ADRB3: variants seen among roughly 807,000 people sequenced by gnomAD.
ADRB3 encodes the protein beta-3 adrenergic receptor.
In ADRB3, 33 loss-of-function variants were observed where a neutral mutation model predicts 23.8. The observed-to-expected ratio is 1.38, with a 90% CI of 1.05 to 1.85. The LOEUF is 1.85. ADRB3 is among the 40% of genes most tolerant of loss of function. The pLI is 0.00. For missense variants in ADRB3, 600 were observed against 579.6 expected (o/e 1.04, Z -0.36); for synonymous variants, 289 against 273.0 (o/e 1.06, Z -0.58).
chr8:37,965,625 A>G lies in ADRB3; in HGVS notation c.845T>C (p.Leu282Pro). ...GGCCCGGTGTTCCCGGAGAGGCAGG[A>G]GGCGCGCGGGCCGCCGGCCGCAGGC... The part of the protein sequence containing the change: ...VPACGRRPAR[L>P]LPLREHRALC... Residue 282 changes from leucine to proline, a missense_variant, in exon 1 of 2, where the codon CTC becomes CCC. Transcript: ENST00000345060. 1 of 1,534,064 alleles carries G rather than the reference A, an allele frequency of 6.5e-7. No individual in the cohort carries two copies. The highest frequency in any genetic ancestry group is 1.2e-5 in the South Asian group (1 of 82,198).
In ADRB3 at chr8:37,966,475, G is replaced by A. The variant is rs766199434; in HGVS notation, c.-6C>T. On this transcript the variant is annotated 5_prime_UTR_variant, in exon 1 of 2. Transcript: ENST00000345060. Reference sequence around the variant, plus strand: ...TCGTGAGGCCACGGAGCCATCCCCGGGTCGCGCGTGGGGCGGTAGGGAAAG... The same window carrying A: ...TCGTGAGGCCACGGAGCCATCCCCGAGTCGCGCGTGGGGCGGTAGGGAAAG... 8.2e-6 allele frequency: 13 copies of A among 1,582,420 alleles called. No individual in the cohort carries two copies. Among genetic ancestry groups the A allele is most frequent in the Non-Finnish European group, 1.1e-5 (13 of 1,168,518 alleles).
Position 37,965,831 on chromosome 8 carries a change from G to T in ADRB3, c.639C>A (p.Phe213Leu). 2 of 1,553,254 alleles carry T rather than the reference G, an allele frequency of 1.3e-6. No individual in the cohort carries two copies. The highest frequency in any genetic ancestry group is 1.7e-6 in the Non-Finnish European group (2 of 1,147,712). ...PYVLLSSSVSFYLPLLVMLFV... is the reference protein window; with the variant it reads ...PYVLLSSSVSLYLPLLVMLFV... ...AGAGCATCACGAGAAGAGGAAGGTA[G>T]AAGGAGACGGAGGAGGACAGCAGCA... The change falls in exon 1 of 2, where the codon TTC becomes TTA. Residue 213 changes from phenylalanine (F) to leucine (L), a missense_variant. Phe to Leu is a conservative substitution (Grantham distance 22). Transcript: ENST00000345060.
chr8:37,964,115 A>T lies in ADRB3; in HGVS notation c.*103T>A. 9.8e-7 allele frequency: 1 copy of T among 1,020,096 alleles called. No homozygotes were observed. The highest frequency in any genetic ancestry group is 1.5e-6 in the Non-Finnish European group (1 of 655,930). The allele number at this position is 1,020,096 out of a possible 1,614,324, so 63.2% of individuals were successfully genotyped here. A position where few individuals can be genotyped will look rare whatever the true frequency, so the allele number is the denominator to read the frequency against. ...GCCCAGTCGTCAGGTTCTGGAGGGT[A>T]GAGTGTCACAGCCGGGGAATCCCAT... On this transcript the variant is annotated 3_prime_UTR_variant, in exon 2 of 2. Transcript: ENST00000345060.
chr8:37,965,396 A>T lies in ADRB3; in HGVS notation c.1074T>A (p.Arg358=). The T allele has an allele frequency of 1.9e-6, 3 of 1,548,068 alleles. No individual in the cohort carries two copies. The highest frequency in any genetic ancestry group is 2.6e-6 in the Non-Finnish European group (3 of 1,146,052). The change falls in exon 1 of 2, where the codon CGT becomes CGA. Residue 358 remains arginine, a synonymous_variant. Transcript: ENST00000345060. ...GGCGACGGCCGCAGCGGCACAGAAG[A>T]CGGCGGAAGGCGCTGCGAAAGTCCG... The part of the protein sequence containing the change: ...RSPDFRSAFR[R]LLCRCGRRLP...
Position 37,965,332 on chromosome 8 carries a change from A to G in ADRB3, c.1138T>C (p.Phe380Leu), listed in dbSNP as rs1362769630. 9.6e-5 allele frequency: 148 copies of G among 1,543,416 alleles called. No individual in the cohort carries two copies. Among genetic ancestry groups the G allele is most frequent in the Non-Finnish European group, 1.3e-4 (147 of 1,146,400 alleles). The change falls in exon 1 of 2, where the codon TTC (phenylalanine) becomes CTC (leucine). Residue 380 changes from phenylalanine to leucine, a missense_variant. Phe to Leu is a conservative substitution (Grantham distance 22). Transcript: ENST00000345060. ...EPCAAARPAL[F>L]PSGVPAARSS... ...CGGGCCGCAGGAACGCCCGAGGGGA[A>G]GAGGGCCGGGCGGGCGGCGGCGCAG...
At position 37,965,270 on chromosome 8, in the gene ADRB3, G is replaced by C; in HGVS notation, c.1200C>G (p.Leu400=). ...CCTCTGCCCCGGTTACCTACCCGTC[G>C]AGCCGTTGGCAAAGCCTGGGCTGCG... is the stretch of plus-strand genomic sequence containing the variant. ...SPAQPRLCQR[L]DGASWGVS The change falls in exon 1 of 2, where the codon CTC becomes CTG. Residue 400 remains leucine (L), a synonymous_variant. Coordinates refer to ENST00000345060, the MANE Select transcript of ADRB3 (RefSeq NM_000025.3). 1 of 1,518,946 alleles carries C rather than the reference G, an allele frequency of 6.6e-7. No homozygotes were observed. Among genetic ancestry groups the C allele is most frequent in the Non-Finnish European group, 8.7e-7 (1 of 1,145,036 alleles). The allele number at this position is 1,518,946 out of a possible 1,614,324, so 94.1% of individuals were successfully genotyped here. A position where few individuals can be genotyped will look rare whatever the true frequency, so the allele number is the denominator to read the frequency against.
Position 37,966,205 on chromosome 8 carries a change from G to GGA in ADRB3, c.263_264dup (p.Leu89SerfsTer12). 2.5e-6 allele frequency: 4 copies of GGA among 1,612,936 alleles called. No homozygotes were observed. Among genetic ancestry groups the GGA allele is most frequent in the Non-Finnish European group, 3.4e-6 (4 of 1,179,562 alleles). ...AAGGTGGCCGCCGGCGGCACCACCA[G>GGA]GAGTCCCATCACCAGGTCGGCTGCG... is the stretch of plus-strand genomic sequence containing the variant. On this transcript the variant is annotated frameshift_variant, in exon 1 of 2. Coordinates refer to ENST00000345060, the MANE Select transcript of ADRB3 (RefSeq NM_000025.3). LOFTEE classifies it high-confidence loss of function.
In ADRB3 at chr8:37,966,334, G is replaced by GC; in HGVS notation, c.135dup (p.Leu46AlafsTer375). The GC allele has an allele frequency of 6.2e-7, 1 of 1,613,252 alleles. No homozygotes were observed. Among genetic ancestry groups the GC allele is most frequent in the Non-Finnish European group, 8.5e-7 (1 of 1,179,660 alleles). On this transcript the variant is annotated frameshift_variant, in exon 1 of 2. Transcript: ENST00000345060. LOFTEE classifies it high-confidence loss of function. ...CCTCCCACGGTGGCCAGCACCGCCA[G>GC]CGCCAGCAGGGCCCCGGCTAGGGCC...
In ADRB3 at chr8:37,966,067, G is replaced by A. The variant is rs771506959; in HGVS notation, c.403C>T (p.Arg135Cys). ...IETLCALAVD[R>C]YLAVTNPLRY... ...AGCGGGTTGGTCACAGCCAGGTAGCGGTCCACGGCCAGGGCGCACAGGGTT... is the reference window on the plus strand; with the variant it reads ...AGCGGGTTGGTCACAGCCAGGTAGCAGTCCACGGCCAGGGCGCACAGGGTT... Residue 135 changes from arginine (R) to cysteine (C), a missense_variant, in exon 1 of 2, where the codon CGC becomes TGC. Coordinates refer to ENST00000345060, the MANE Select transcript of ADRB3 (RefSeq NM_000025.3). 1 of 1,603,600 alleles carries A rather than the reference G, an allele frequency of 6.2e-7. No individual in the cohort carries two copies. Among genetic ancestry groups the A allele is most frequent in the Admixed American group, 1.7e-5 (1 of 58,176 alleles).
Position 37,965,653 on chromosome 8 carries a change from G to T in ADRB3, c.817C>A (p.Pro273Thr). The T allele has an allele frequency of 6.5e-7, 1 of 1,534,414 alleles. No homozygotes were observed. Among genetic ancestry groups the T allele is most frequent in the Non-Finnish European group, 8.8e-7 (1 of 1,141,002 alleles). ...CGCGCGGGCCGCCGGCCGCAGGCGG[G>T]CACCCCTTCGGGCGGAGCGCACGTC... The part of the protein sequence containing the change: ...VGTCAPPEGV[P>T]ACGRRPARLL... Residue 273 changes from proline (P) to threonine (T), a missense_variant, in exon 1 of 2, where the codon CCC (proline) becomes ACC (threonine). Physicochemically the swap from Pro to Thr is conservative, Grantham distance 38 (BLOSUM62 -1). Transcript: ENST00000345060.
Position 37,965,903 on chromosome 8 carries a change from GCAGCGC to G in ADRB3, c.561_566del (p.Gln187_Cys189delinsHis). 1 of 1,552,024 alleles carries G rather than the reference GCAGCGC, an allele frequency of 6.4e-7. No individual in the cohort carries two copies. Among genetic ancestry groups the G allele is most frequent in the South Asian group, 1.2e-5 (1 of 84,112 alleles). ...AGGCACAGCAGCGCGGGTTGGAGTGGCAGCGCTGCGCCTCGGCGTCGGCCCCTACGC... is the reference window on the plus strand; with the variant it reads ...AGGCACAGCAGCGCGGGTTGGAGTGGTGCGCCTCGGCGTCGGCCCCTACGC... On this transcript the variant is annotated inframe_deletion, in exon 1 of 2. Transcript: ENST00000345060.
chr8:37,966,338 C>T lies in ADRB3; in HGVS notation c.132G>A (p.Leu44=), dbSNP rs1213516770. Residue 44 remains leucine (L), a synonymous_variant, in exon 1 of 2, where the codon CTG becomes CTA. Transcript: ENST00000345060. ...PWEAALAGAL[L]ALAVLATVGG... ...CCACGGTGGCCAGCACCGCCAGCGC[C>T]AGCAGGGCCCCGGCTAGGGCCGCCT... 1.2e-6 allele frequency: 2 copies of T among 1,613,046 alleles called. No homozygotes were observed. Among genetic ancestry groups the T allele is most frequent in the Non-Finnish European group, 8.5e-7 (1 of 1,179,644 alleles).
chr8:37,966,329 C>A lies in ADRB3; in HGVS notation c.141G>T (p.Ala47=). 3 of 1,613,222 alleles carry A rather than the reference C, an allele frequency of 1.9e-6. No homozygotes were observed. Among genetic ancestry groups the A allele is most frequent in the East Asian group, 2.2e-5 (1 of 44,866 alleles). ...AALAGALLAL[A]VLATVGGNLL... ...GGTTGCCTCCCACGGTGGCCAGCAC[C>A]GCCAGCGCCAGCAGGGCCCCGGCTA... is the stretch of plus-strand genomic sequence containing the variant. The change falls in exon 1 of 2, where the codon GCG becomes GCT. Residue 47 remains alanine, a synonymous_variant. Coordinates refer to ENST00000345060, the MANE Select transcript of ADRB3 (RefSeq NM_000025.3).
chr8:37,963,348 G>C lies in ADRB3; in HGVS notation c.*870C>G, dbSNP rs865990592. ...ACTCAATGGCAACTGGATTTCAAGA[G>C]TTTCAGGAAGGGTGGGGGAGCAAGA... is the stretch of plus-strand genomic sequence containing the variant. On this transcript the variant is annotated 3_prime_UTR_variant, in exon 2 of 2. Coordinates refer to ENST00000345060, the MANE Select transcript of ADRB3 (RefSeq NM_000025.3). 1 of 152,244 alleles carries C rather than the reference G, an allele frequency of 6.6e-6. No individual in the cohort carries two copies. The highest frequency in any genetic ancestry group is 1.5e-5 in the Non-Finnish European group (1 of 68,078). The allele number at this position is 152,244 out of a possible 1,614,324, so 9.4% of individuals were successfully genotyped here.
At chr8:37,965,194 A>C in intron 1 of ADRB3, 71 bp downstream of exon 1, 2 of 1,381,542 alleles carry the variant, frequency 1.4e-6, no homozygotes, top group Non-Finnish European at 1.9e-6. Flanking sequence ...CCACACTCAA[A>C]AAGTTGACCC....
Position 37,966,488 on chromosome 8 carries a change from G to T in ADRB3, c.-19C>A, listed in dbSNP as rs781058113. On this transcript the variant is annotated 5_prime_UTR_variant, in exon 1 of 2. Coordinates refer to ENST00000345060, the MANE Select transcript of ADRB3 (RefSeq NM_000025.3). Reference sequence around the variant, plus strand: ...GAGCCATCCCCGGGTCGCGCGTGGGGCGGTAGGGAAAGAAGGAAGGAGGGG... The same window carrying T: ...GAGCCATCCCCGGGTCGCGCGTGGGTCGGTAGGGAAAGAAGGAAGGAGGGG... 6.4e-7 allele frequency: 1 copy of T among 1,568,490 alleles called. No homozygotes were observed. The highest frequency in any genetic ancestry group is 8.6e-7 in the Non-Finnish European group (1 of 1,162,244).
In ADRB3 at chr8:37,964,348, AACGCCAGG is replaced by A. The variant is rs1422826374; in HGVS notation, c.1206-117_1206-110del. ...TGGAACGCATATTTAGTTACACAAA[AACGCCAGG>A]GCACCACCCAGCCACACACGCCCCA... is the stretch of plus-strand genomic sequence containing the variant. On this transcript the variant is annotated intron_variant, in intron 1 of 1. Coordinates refer to ENST00000345060, the MANE Select transcript of ADRB3 (RefSeq NM_000025.3). 6 of 972,124 alleles carry A rather than the reference AACGCCAGG, an allele frequency of 6.2e-6. No individual in the cohort carries two copies. The East Asian group carries it at 1.3e-4, about 21-fold the overall frequency. The allele number at this position is 972,124 out of a possible 1,614,324, so 60.2% of individuals were successfully genotyped here.
rs555720435 is a variant in ADRB3, at chr8:37,965,383, A to C, written c.1087T>G (p.Cys363Gly). ...GGCTCCGGAGGCAGGCGACGGCCGC[A>C]GCGGCACAGAAGACGGCGGAAGGCG... is the stretch of plus-strand genomic sequence containing the variant. ...RSAFRRLLCR[C>G]GRRLPPEPCA... Residue 363 changes from cysteine (C) to glycine (G), a missense_variant, in exon 1 of 2, where the codon TGC becomes GGC. Physicochemically the swap from Cys to Gly is radical, Grantham distance 159. Transcript: ENST00000345060. 4 of 1,547,998 alleles carry C rather than the reference A, an allele frequency of 2.6e-6. No homozygotes were observed. The highest frequency in any genetic ancestry group is 2.5e-5 in the East Asian group (1 of 40,768).
In ADRB3 at chr8:37,965,712, G is replaced by T; in HGVS notation, c.758C>A (p.Ala253Glu). 6.5e-7 allele frequency: 1 copy of T among 1,546,542 alleles called. No homozygotes were observed. Among genetic ancestry groups the T allele is most frequent in the Non-Finnish European group, 8.7e-7 (1 of 1,144,714 alleles). Residue 253 changes from alanine to glutamate, a missense_variant, in exon 1 of 2, where the codon GCG (alanine) becomes GAG (glutamate). By Grantham distance (107) the Ala-to-Glu change is moderately radical. Transcript: ENST00000345060. ...GGCCGGGGCCAGAGAGCGCGACGGC[G>T]CCGGCGGAGACTCCTCGGGCGGAAA... ...GRFPPEESPP[A>E]PSRSLAPAPV...
Sources: allele counts gnomAD v4.1 joint callset, GRCh38; gene constraint gnomAD v4.1.1; transcripts MANE v1.5; gene names NCBI Gene and HGNC (gene_info 2026-07-23, HGNC 2026-07-21).